The following KDSR variants were observed in gnomAD, a reference collection of about 807,000 sequenced individuals.
KDSR encodes the protein 3-dehydrosphinganine reductase.
In KDSR, 23 loss-of-function variants were observed where a neutral mutation model predicts 41.3. That is an observed-to-expected ratio of 0.56 (90% CI 0.40 to 0.79). The LOEUF (loss-of-function observed/expected upper bound fraction) is 0.79. Among genes scored for constraint, KDSR ranks in the 30% least tolerant of loss-of-function variants. KDSR has a pLI of 0.00. For missense variants in KDSR, 351 were observed against 416.8 expected, an observed-to-expected ratio of 0.84 and a Z score of 1.37; for synonymous variants, 138 against 151.7, an observed-to-expected ratio of 0.91 and a Z score of 0.66.
intron 7 of KDSR, among the ~76,000 whole-genome samples, chr18:63,339,772 C>G (rs1249458412): frequency 1.3e-5 from 2 of 152,052 alleles, no homozygotes; most frequent in African/African-American, 4.8e-5. Flanking sequence ...CATATGTGTG[C>G]TCAAAAATTA....
chr18:63,356,819 G>A (rs949662169), intron 3 of KDSR, among the ~76,000 whole-genome samples: 6 of 152,186 alleles, frequency 3.9e-5, no homozygotes, highest in Non-Finnish European at 7.3e-5. Context: ...GGGAAAAAAC[G>A]GGGCAATTTA....
In KDSR at chr18:63,331,606, C is replaced by T. The variant is rs2144343661; in HGVS notation, c.*176G>A. On this transcript the variant is annotated 3_prime_UTR_variant, in exon 10 of 10. Coordinates refer to ENST00000645214, the MANE Select transcript of KDSR (RefSeq NM_002035.4). Reference sequence around the variant, plus strand: ...CCATATTTGCATAGTATTAATAATACTGTCAGGAGGTGAACTTCTAGCCCC... The same window carrying T: ...CCATATTTGCATAGTATTAATAATATTGTCAGGAGGTGAACTTCTAGCCCC... 1 of 555,318 alleles carries T rather than the reference C, an allele frequency of 1.8e-6. No homozygotes were observed. The highest frequency in any genetic ancestry group is 3.2e-6 in the Non-Finnish European group (1 of 315,444). 34.4% of individuals were successfully genotyped at this position (555,318 alleles called of 1,614,324 possible).
chr18:63,342,394 C>T (rs1006101742), intron 7 of KDSR, among the ~76,000 whole-genome samples: 7 of 151,982 alleles, frequency 4.6e-5, no homozygotes, highest in Admixed American at 3.9e-4. Flanking sequence ...CTGACACCAC[C>T]GCTGGGTGGC....
At chr18:63,360,972 T>C (rs1256986579) in intron 2 of KDSR, among the ~76,000 whole-genome samples, 5 of 69,170 alleles carry the variant, frequency 7.2e-5, no homozygotes, top group African/African-American at 2.3e-4. Context: ...CTGGCCAACA[T>C]AGTAAAACCC....
At chr18:63,363,494 A>C (rs1915053397) in intron 1 of KDSR, among the ~76,000 whole-genome samples, 1 of 144,802 alleles carries the variant, frequency 6.9e-6, no homozygotes, top group African/African-American at 2.6e-5. Context: ...TTCTTGCGAT[A>C]GTTTACTGAG....
intron 6 of KDSR, among the ~76,000 whole-genome samples, chr18:63,350,348 C>A (rs1568280203): frequency 1.3e-5 from 2 of 152,180 alleles, no homozygotes; most frequent in Non-Finnish European, 2.9e-5. Context: ...ATTTTCCCAA[C>A]AATTCTTTAA....
rs199675364 is a variant in KDSR, at chr18:63,362,793, C to G, written c.184G>C (p.Val62Leu). Residue 62 changes from valine (V) to leucine (L), a missense_variant, in exon 2 of 10, where the codon GTT becomes CTT. Physicochemically the swap from Val to Leu is conservative, Grantham distance 32. Transcript: ENST00000645214. Reference sequence around the variant, plus strand: ...AGAAGCCTTACCTCATTTCGTGCAACCAGAGTTATAAAAGCTCCTTGTTTA... The same window carrying G: ...AGAAGCCTTACCTCATTTCGTGCAAGCAGAGTTATAAAAGCTCCTTGTTTA... The part of the protein sequence containing the change: ...CYKQGAFITL[V>L]ARNEDKLLQA... 1.9e-6 allele frequency: 3 copies of G among 1,612,148 alleles called. No homozygotes were observed. Among genetic ancestry groups the G allele is most frequent in the Admixed American group, 1.7e-5 (1 of 59,944 alleles).
intron 1 of KDSR, 82 bp downstream of exon 1, chr18:63,366,929 A>G: frequency 1.5e-5 from 10 of 657,884 alleles, no homozygotes; most frequent in Non-Finnish European, 2.0e-5. Context: ...GCCTGGAAAA[A>G]GGGACGTAGG....
At chr18:63,348,405 T>C (rs1914576773) in intron 6 of KDSR, among the ~76,000 whole-genome samples, 1 of 152,002 alleles carries the variant, frequency 6.6e-6, no homozygotes, top group Non-Finnish European at 1.5e-5. Context: ...TTGACCAAAT[T>C]ATCCAGGTTT....
Position 63,355,425 on chromosome 18 carries a change from C to A in KDSR, c.321+73G>T, listed in dbSNP as rs1462166177. The A allele has an allele frequency of 3.1e-6, 5 of 1,611,368 alleles. No individual in the cohort carries two copies. The Admixed American group carries it at 8.4e-5, about 27-fold the overall frequency. ...ATAGAGAAGTTGTGTCCATTCCAAG[C>A]CACATAGCAAAATGGCAAGAACAAA... On this transcript the variant is annotated intron_variant, in intron 4 of 9. Transcript: ENST00000645214.
At position 63,350,942 on chromosome 18, in the gene KDSR, G is replaced by A. The variant is rs1329528767; in HGVS notation, c.555C>T (p.Ala185=). The change falls in exon 6 of 10, where the codon GCC becomes GCT. Residue 185 remains alanine, a synonymous_variant. Coordinates refer to ENST00000645214, the MANE Select transcript of KDSR (RefSeq NM_002035.4). ...AGQLGLFGFT[A]YSASKFAIRG... Reference sequence around the variant, plus strand: ...TTATGGCAAACTTGGATGCAGAGTAGGCTGTGAAACCGAATAATCCCAACT... The same window carrying A: ...TTATGGCAAACTTGGATGCAGAGTAAGCTGTGAAACCGAATAATCCCAACT... The A allele has an allele frequency of 6.2e-7, 1 of 1,614,062 alleles. No individual in the cohort carries two copies. The highest frequency in any genetic ancestry group is 1.3e-5 in the African/African-American group (1 of 74,940).
intron 1 of KDSR, chr18:63,366,267 A>G (rs1363531615): frequency 6.6e-6 from 1 of 152,300 alleles, no homozygotes; most frequent in Non-Finnish European, 1.5e-5. Context: ...CCTCTCCTTC[A>G]TTCCTCGCAC....
chr18:63,347,012 TCAC>T (rs1233782774), intron 6 of KDSR, among the ~76,000 whole-genome samples: 1 of 152,100 alleles, frequency 6.6e-6, no homozygotes, highest in African/African-American at 2.4e-5. Context: ...CTCCCTGAGA[TCAC>T]CACTCTTTCT....
intron 9 of KDSR, among the ~76,000 whole-genome samples, chr18:63,332,274 C>G (rs969359465): frequency 6.6e-6 from 1 of 152,050 alleles, no homozygotes; most frequent in African/African-American, 2.4e-5. Context: ...AAAGCGAGAC[C>G]CTATACTAGG....
At chr18:63,353,197 T>C (rs1021460657) in intron 5 of KDSR, among the ~76,000 whole-genome samples, 2 of 150,608 alleles carry the variant, frequency 1.3e-5, no homozygotes, top group Non-Finnish European at 3.0e-5. Flanking sequence ...AAAAAGAAAG[T>C]TCTAAAAGAA....
chr18:63,339,700 T>C (rs1914287785), intron 7 of KDSR, among the ~76,000 whole-genome samples: 1 of 152,248 alleles, frequency 6.6e-6, no homozygotes. Flanking sequence ...CCTAAGTTTC[T>C]TGTGGGCAGG....
At chr18:63,348,508 C>T (rs534786120) in intron 6 of KDSR, among the ~76,000 whole-genome samples, 14 of 152,082 alleles carry the variant, frequency 9.2e-5, no homozygotes, top group South Asian at 2.1e-4. Context: ...TGACTGCGTT[C>T]GTTTTCCCCA....
At chr18:63,344,589 G>T (rs749354998) in intron 6 of KDSR, 96 bp from the exon 7 acceptor site, 1 of 802,462 alleles carries the variant, frequency 1.2e-6, no homozygotes, top group East Asian at 2.5e-5. Flanking sequence ...CCCAAAAAGC[G>T]GTGAGAACAA....
intron 8 of KDSR, among the ~76,000 whole-genome samples, chr18:63,336,527 G>C (rs538340196): frequency 2.6e-4 from 39 of 152,288 alleles, no homozygotes; most frequent in Middle Eastern, 3.4e-3. Context: ...CCACCATCAC[G>C]AGACTGTCAG....
Sources: allele counts gnomAD v4.1 joint callset (sites outside exome capture counted in the v4.1 genomes callset), GRCh38; gene constraint gnomAD v4.1.1; transcripts MANE v1.5; gene names NCBI Gene and HGNC (gene_info 2026-07-23, HGNC 2026-07-21).